GPR141: variants seen among roughly 807,000 people sequenced by gnomAD.
GPR141 encodes G protein-coupled receptor 141, also known as probable G protein-coupled receptor 141.
In GPR141, 6 loss-of-function variants were observed where a neutral mutation model predicts 6.8. The ratio of observed to expected loss-of-function variants is 0.88; its 90% CI spans 0.48 to 1.74. The LOEUF (loss-of-function observed/expected upper bound fraction) is 1.74. GPR141 is among the 40% of genes most tolerant of loss of function. The probability of loss-of-function intolerance (pLI) is 0.01; values close to 1 mark genes in which losing one functional copy is unlikely to be tolerated. For missense variants in GPR141, 372 were observed against 372.9 expected (o/e 1.00, Z 0.02); for synonymous variants, 140 against 142.3 (o/e 0.98, Z 0.11).
In GPR141 at chr7:37,730,633, G is replaced by T. The variant is rs527782824; in HGVS notation, c.-14-9747G>T. Among the ~76,000 whole-genome samples, 3 of 152,312 alleles carry T rather than the reference G, an allele frequency of 2.0e-5. No homozygotes were observed. The South Asian group carries it at 6.2e-4, about 32-fold the overall frequency. On this transcript the variant is annotated intron_variant, in intron 2 of 2. Transcript: ENST00000334425. ...TTTTTGTGACTGCAGGTGCTGGCTT[G>T]CTTGTTCCAGGGTCCCAGGGCCCGG... is the stretch of plus-strand genomic sequence containing the variant.
intron 2 of GPR141, among the ~76,000 whole-genome samples, chr7:37,692,866 G>C (rs1809840442): frequency 6.6e-6 from 1 of 152,074 alleles, no homozygotes; most frequent in Admixed American, 6.5e-5. Context: ...TTGTAAATTT[G>C]TTTGAGTTCC....
chr7:37,728,563 A>G (rs1397411855), intron 2 of GPR141, among the ~76,000 whole-genome samples: 1 of 152,258 alleles, frequency 6.6e-6, no homozygotes, highest in East Asian at 1.9e-4. Context: ...GGTTTCTTAT[A>G]AAACAGCCAC....
chr7:37,719,277 A>C (rs1811200158), intron 2 of GPR141, among the ~76,000 whole-genome samples: 1 of 152,164 alleles, frequency 6.6e-6, no homozygotes, highest in African/African-American at 2.4e-5. Context: ...GTAAGATATG[A>C]CTGCAAAAGC....
chr7:37,699,765 A>C (rs1299732531), intron 2 of GPR141, among the ~76,000 whole-genome samples: 1 of 152,252 alleles, frequency 6.6e-6, no homozygotes, highest in Non-Finnish European at 1.5e-5. Flanking sequence ...AAATATGTGT[A>C]ATAAATATAA....
rs1282276615 is a variant in GPR141 at position 37,741,042 on chromosome 7, T to A, written c.649T>A (p.Ser217Thr). The change falls in exon 3 of 3, where the codon TCC becomes ACC. Residue 217 changes from serine to threonine, a missense_variant. Ser to Thr is a moderately conservative substitution (Grantham distance 58). Transcript: ENST00000334425. Reference protein sequence around the residue: ...MVQKLRHSLLSHQEFWAQLKN... With the variant: ...MVQKLRHSLLTHQEFWAQLKN... Reference sequence around the variant, plus strand: ...GCAGAAGCTACGCCACTCTTTACTATCCCACCAGGAGTTCTGGGCTCAGCT... The same window carrying A: ...GCAGAAGCTACGCCACTCTTTACTAACCCACCAGGAGTTCTGGGCTCAGCT... 1 of 1,614,158 alleles carries A rather than the reference T, an allele frequency of 6.2e-7. No individual in the cohort carries two copies.
chr7:37,687,659 G>C (rs1459330794), intron 2 of GPR141, among the ~76,000 whole-genome samples: 2 of 152,106 alleles, frequency 1.3e-5, no homozygotes, highest in African/African-American at 4.8e-5. Context: ...GGTCTCACTT[G>C]GATGTGGCAG....
intron 2 of GPR141, among the ~76,000 whole-genome samples, chr7:37,699,780 G>A (rs1810197040): frequency 6.6e-6 from 1 of 152,192 alleles, no homozygotes; most frequent in Admixed American, 6.5e-5. Flanking sequence ...ATATAAATAT[G>A]AGCAAATATA....
At chr7:37,686,070 C>T (rs527895380) in intron 2 of GPR141, among the ~76,000 whole-genome samples, 182 of 152,062 alleles carry the variant, frequency 1.2e-3, no homozygotes, top group African/African-American at 3.7e-3. Context: ...ACAATCACAG[C>T]TCACTGAAGC....
chr7:37,737,441 A>T (rs1021333181), intron 2 of GPR141, among the ~76,000 whole-genome samples: 1 of 152,214 alleles, frequency 6.6e-6, no homozygotes, highest in Non-Finnish European at 1.5e-5. Context: ...GAACCAGATA[A>T]ACATACTACT....
rs140719511 is a variant in GPR141 at position 37,720,598 on chromosome 7, A to T, written c.-14-19782A>T. On this transcript the variant is annotated intron_variant, in intron 2 of 2. Transcript: ENST00000334425. The stretch of plus-strand genomic sequence containing the variant: ...CTACTAAAATACAAAAAAATTAGCC[A>T]GGGGTGGTGGTGGGCACCTGTACTC... Among the ~76,000 whole-genome samples, 72 of 152,186 alleles carry T rather than the reference A, an allele frequency of 4.7e-4. No individual in the cohort carries two copies. In the East Asian group the frequency reaches 0.012, roughly 26 times the overall value.
intron 2 of GPR141, among the ~76,000 whole-genome samples, chr7:37,706,977 T>C (rs149176736): frequency 9.4e-4 from 143 of 152,152 alleles, no homozygotes; most frequent in Middle Eastern, 3.4e-3. Flanking sequence ...CGTTTTCTTC[T>C]CTTCCACGCC....
Position 37,741,575 on chromosome 7 carries a change from G to T in GPR141, c.*264G>T, listed in dbSNP as rs1444686617. 6.6e-6 allele frequency among the ~76,000 whole-genome samples: 1 copy of T among 152,122 alleles called. No individual in the cohort carries two copies. The highest frequency in any genetic ancestry group is 1.5e-5 in the Non-Finnish European group (1 of 68,024). On this transcript the variant is annotated 3_prime_UTR_variant, in exon 3 of 3. Coordinates refer to ENST00000334425, the MANE Select transcript of GPR141 (RefSeq NM_001381946.1). The stretch of plus-strand genomic sequence containing the variant: ...TTTTCCAGTACAGAATGTCTGTGTG[G>T]CCCATGAAAGCAACATAGGTTTTAA...
intron 2 of GPR141, among the ~76,000 whole-genome samples, chr7:37,735,799 A>T (rs1226962389): frequency 6.6e-6 from 1 of 152,216 alleles, no homozygotes; most frequent in East Asian, 1.9e-4. Context: ...AGTATTTAAG[A>T]AATTAAAGGA....
chr7:37,693,654 C>CCAAA (rs1429822986), intron 2 of GPR141, among the ~76,000 whole-genome samples: 3 of 152,066 alleles, frequency 2.0e-5, no homozygotes, highest in African/African-American at 7.2e-5. Flanking sequence ...GCAGCAAGTA[C>CCAAA]CCCAGAATGG....
chr7:37,733,012 C>T lies in GPR141; in HGVS notation c.-14-7368C>T, dbSNP rs78609693. ...GGTTTGCCTGGGAAACAATCAAGAG[C>T]GCTGAGTCTGAGCCAGGGAGCTGGT... On this transcript the variant is annotated intron_variant, in intron 2 of 2. Transcript: ENST00000334425. Among the ~76,000 whole-genome samples, 1,179 of 152,266 alleles carry T rather than the reference C, an allele frequency of 7.7e-3. 19 individuals are homozygous for T. The highest frequency in any genetic ancestry group is 0.027 in the African/African-American group (1,126 of 41,542).
chr7:37,725,754 G>A (rs1811596736), intron 2 of GPR141, among the ~76,000 whole-genome samples: 1 of 152,008 alleles, frequency 6.6e-6, no homozygotes, highest in Non-Finnish European at 1.5e-5. Flanking sequence ...GGTGGAAGAA[G>A]GAACAAATTA....
Position 37,741,024 on chromosome 7 carries a change from C to G in GPR141, c.631C>G (p.Leu211Val). ...VFIIMLMVQK[L>V]RHSLLSHQEF... ...CATCATTATGTTGATGGTGCAGAAG[C>G]TACGCCACTCTTTACTATCCCACCA... Residue 211 changes from leucine to valine, a missense_variant, in exon 3 of 3, where the codon CTA becomes GTA. Transcript: ENST00000334425. The G allele has an allele frequency of 1.9e-6, 3 of 1,614,072 alleles. No homozygotes were observed. The highest frequency in any genetic ancestry group is 2.5e-6 in the Non-Finnish European group (3 of 1,179,966).
At position 37,743,409 on chromosome 7, in the gene GPR141, CAAGT is replaced by C. The variant is rs1812665978; in HGVS notation, c.*2101_*2104del. ...ATATTCTTTTAAATATCCTTTTAAA[CAAGT>C]AATATTTCTTTTCTTTCTTGCCTTT... is the stretch of plus-strand genomic sequence containing the variant. On this transcript the variant is annotated 3_prime_UTR_variant, in exon 3 of 3. Transcript: ENST00000334425. Among the ~76,000 whole-genome samples the C allele has an allele frequency of 6.6e-6, 1 of 151,964 alleles. No individual in the cohort carries two copies. The highest frequency in any genetic ancestry group is 1.5e-5 in the Non-Finnish European group (1 of 67,952).
chr7:37,701,077 A>G (rs1290293612), intron 2 of GPR141, among the ~76,000 whole-genome samples: 2 of 152,198 alleles, frequency 1.3e-5, no homozygotes, highest in African/African-American at 2.4e-5. Flanking sequence ...GTGGTAGGAC[A>G]TTATTATAGT....
Sources: allele counts gnomAD v4.1 joint callset (sites outside exome capture counted in the v4.1 genomes callset), GRCh38; gene constraint gnomAD v4.1.1; transcripts MANE v1.5; gene names NCBI Gene and HGNC (gene_info 2026-07-23, HGNC 2026-07-21).